Variants in BCL2L11 observed in about 807,000 individuals in gnomAD.
BCL2L11 encodes the protein bcl-2-like protein 11.
In BCL2L11, 15 loss-of-function variants were observed where a neutral mutation model predicts 20.6. The observed-to-expected ratio is 0.73, with a 90% CI of 0.49 to 1.12. The LOEUF (loss-of-function observed/expected upper bound fraction) is 1.12, where lower values mean the gene tolerates loss of function less well. BCL2L11 is among the 50% of genes most tolerant of loss of function. The pLI, the probability that BCL2L11 is intolerant of heterozygous loss-of-function variation, is 0.00. For missense variants in BCL2L11, 292 were observed against 260.9 expected, an observed-to-expected ratio of 1.12 and a Z score of -0.82; for synonymous variants, 108 against 92.8, an observed-to-expected ratio of 1.16 and a Z score of -0.94.
At chr2:111,123,281 GCAAA>G (rs995621200) in intron 1 of BCL2L11, 65 of 985,382 alleles carry the variant, frequency 6.6e-5, no homozygotes, top group Non-Finnish European at 1.7e-5. Context: ...AGCATTTTCG[GCAAA>G]CAATGGGGCC....
At chr2:111,122,931 T>C in intron 1 of BCL2L11, 1 of 985,372 alleles carries the variant, frequency 1.0e-6, no homozygotes, top group Non-Finnish European at 1.2e-6. Flanking sequence ...GACGTGAGTT[T>C]CGGTGTGATT....
chr2:111,149,504 T>C (rs1257556389), intron 2 of BCL2L11, among the ~76,000 whole-genome samples: 1 of 152,218 alleles, frequency 6.6e-6, no homozygotes, highest in Admixed American at 6.5e-5. Flanking sequence ...GACAGCTGTC[T>C]GTATCATTGT....
rs1405228237 is a variant in BCL2L11 at position 111,124,103 on chromosome 2, C to T, written c.358C>T (p.Pro120Ser). ...CAAATCAACACAAACCCCAAGTCCT[C>T]CTTGCCAGGCCTTCAACCACTATCT... ...CDKSTQTPSP[P>S]CQAFNHYLSA... Residue 120 changes from proline (P) to serine (S), a missense_variant, in exon 2 of 4, where the codon CCT (proline) becomes TCT (serine). Physicochemically the swap from Pro to Ser is moderately conservative, Grantham distance 74 (BLOSUM62 -1). Coordinates refer to ENST00000393256, the MANE Select transcript of BCL2L11 (RefSeq NM_138621.5). 1 of 1,613,060 alleles carries T rather than the reference C, an allele frequency of 6.2e-7. No individual in the cohort carries two copies. Among genetic ancestry groups the T allele is most frequent in the Admixed American group, 1.7e-5 (1 of 59,968 alleles).
At chr2:111,123,161 GGA>G in intron 1 of BCL2L11, 14 of 985,446 alleles carry the variant, frequency 1.4e-5, no homozygotes, top group Non-Finnish European at 1.7e-5. Flanking sequence ...GAGCACGGGC[GGA>G]GAGAGCGCCA....
chr2:111,130,995 G>A (rs2073835631), intron 2 of BCL2L11, among the ~76,000 whole-genome samples: 2 of 152,088 alleles, frequency 1.3e-5, no homozygotes, highest in East Asian at 3.9e-4. Flanking sequence ...GTGCACTGCT[G>A]GATTGAATTT....
chr2:111,122,531 C>T (rs1283741422), intron 1 of BCL2L11: 14 of 871,238 alleles, frequency 1.6e-5, no homozygotes, highest in African/African-American at 1.8e-5. Context: ...TTGGCTGCGG[C>T]GCGGAGCGAC....
chr2:111,161,636 C>G, intron 3 of BCL2L11: 1 of 1,412,868 alleles, frequency 7.1e-7, no homozygotes, highest in South Asian at 1.5e-5. Context: ...TAGTGTCATA[C>G]TTGCCTTTAA....
chr2:111,138,976 TG>T (rs2075368376), intron 2 of BCL2L11, among the ~76,000 whole-genome samples: 1 of 152,148 alleles, frequency 6.6e-6, no homozygotes, highest in Non-Finnish European at 1.5e-5. Context: ...GGCAGGTTAG[TG>T]AGCATGACTG....
intron 3 of BCL2L11, among the ~76,000 whole-genome samples, chr2:111,152,610 C>T (rs1453907504): frequency 2.0e-5 from 3 of 152,118 alleles, no homozygotes; most frequent in African/African-American, 4.8e-5. Flanking sequence ...TCCCAGTCCC[C>T]GGCCATCCTC....
At chr2:111,122,773 C>G in intron 1 of BCL2L11, 1 of 985,236 alleles carries the variant, frequency 1.0e-6, no homozygotes, top group Non-Finnish European at 1.2e-6. Context: ...TGCGCTGCGC[C>G]GGGGACTCTG....
In BCL2L11 at chr2:111,143,326, C is replaced by T. The variant is rs1431674790; in HGVS notation, c.395-6718C>T. ...CACTGTCACACACTATTCAGAGCAGCGATTTCAGGAGCACACCAAGGCGGG... is the reference window on the plus strand; with the variant it reads ...CACTGTCACACACTATTCAGAGCAGTGATTTCAGGAGCACACCAAGGCGGG... On this transcript the variant is annotated intron_variant, in intron 2 of 3. Coordinates refer to ENST00000393256, the MANE Select transcript of BCL2L11 (RefSeq NM_138621.5). Among the ~76,000 whole-genome samples the T allele has an allele frequency of 7.9e-5, 12 of 151,970 alleles. 1 individual carries two copies. Among genetic ancestry groups the T allele is most frequent in the African/African-American group, 2.4e-5 (1 of 41,328 alleles).
chr2:111,155,138 G>A (rs616084), intron 3 of BCL2L11, among the ~76,000 whole-genome samples: 85,484 of 151,684 alleles, frequency 0.56, 26,065 homozygotes, highest in African/African-American at 0.81. Flanking sequence ...GCTAGGTAGC[G>A]TAAGGATGTT....
intron 2 of BCL2L11, chr2:111,145,961 A>C (rs1056796673): frequency 1.0e-6 from 1 of 982,702 alleles, no homozygotes; most frequent in Middle Eastern, 5.2e-4. Flanking sequence ...AAGAGAAAGA[A>C]AACATGGATC....
At chr2:111,153,819 T>G (rs1208172541) in intron 3 of BCL2L11, 2 of 1,552,104 alleles carry the variant, frequency 1.3e-6, no homozygotes, top group Non-Finnish European at 1.7e-6. Context: ...TTGTCATGTA[T>G]TCAGTCCACT....
chr2:111,142,050 A>AT (rs1352880931), intron 2 of BCL2L11, among the ~76,000 whole-genome samples: 5 of 152,136 alleles, frequency 3.3e-5, no homozygotes, highest in African/African-American at 1.2e-4. Context: ...CTCATCTAGG[A>AT]TACAGACTCA....
rs1558997549 is a variant in BCL2L11, at chr2:111,121,126, G to C, written c.-76G>C. On this transcript the variant is annotated 5_prime_UTR_variant, in exon 1 of 4. Coordinates refer to ENST00000393256, the MANE Select transcript of BCL2L11 (RefSeq NM_138621.5). ...GCGTTCCCGCCGCCACCGCCTCGGC[G>C]CCCTTTCTTGGCCCTTGTTCCCCCA... The C allele has an allele frequency of 3.6e-6, 1 of 275,552 alleles. No homozygotes were observed. The highest frequency in any genetic ancestry group is 2.3e-5 in the African/African-American group (1 of 43,740). 17.1% of individuals were successfully genotyped at this position (275,552 alleles called of 1,614,324 possible). A position where few individuals can be genotyped will look rare whatever the true frequency, so the allele number is the denominator to read the frequency against.
Position 111,121,203 on chromosome 2 carries a change from A to C in BCL2L11, c.-14+15A>C. 3.7e-5 allele frequency: 8 copies of C among 215,228 alleles called. No homozygotes were observed. The highest frequency in any genetic ancestry group is 6.5e-5 in the Non-Finnish European group (7 of 107,424). 13.3% of individuals were successfully genotyped at this position (215,228 alleles called of 1,614,324 possible). ...AGAAACGCAAGGTAAATACCTCCAAATCCCGGGGCGCGGGCCTGGCACCGA... is the reference window on the plus strand; with the variant it reads ...AGAAACGCAAGGTAAATACCTCCAACTCCCGGGGCGCGGGCCTGGCACCGA... On this transcript the variant is annotated intron_variant, in intron 1 of 3. Coordinates refer to ENST00000393256, the MANE Select transcript of BCL2L11 (RefSeq NM_138621.5).
At chr2:111,121,523 A>G (rs2241845) in intron 1 of BCL2L11, among the ~76,000 whole-genome samples, 90,114 of 152,136 alleles carry the variant, frequency 0.59, 28,584 homozygotes, top group African/African-American at 0.82. Flanking sequence ...CCGGGAGCTG[A>G]GGACCTGCTC....
chr2:111,123,160 C>CG, intron 1 of BCL2L11: 1 of 985,362 alleles, frequency 1.0e-6, no homozygotes, highest in East Asian at 1.1e-4. Flanking sequence ...GGAGCACGGG[C>CG]GGAGAGAGCG....
Sources: allele counts gnomAD v4.1 joint callset (sites outside exome capture counted in the v4.1 genomes callset), GRCh38; gene constraint gnomAD v4.1.1; transcripts MANE v1.5; gene names NCBI Gene and HGNC (gene_info 2026-07-23, HGNC 2026-07-21).